Variants in ABTB3 observed in about 807,000 individuals in gnomAD.
ABTB3 encodes ankyrin repeat- and BTB/POZ domain-containing protein 3.
At chr12:107,554,638 C>T in the ABTB3 span, among the ~76,000 whole-genome samples, 1 of 152,132 alleles carries the variant, frequency 6.6e-6, no homozygotes, top group African/African-American at 2.4e-5. Context: ...TCTAGCAGAG[C>T]CTCTCAAACA....
the ABTB3 span, among the ~76,000 whole-genome samples, chr12:107,456,698 A>C: frequency 6.6e-6 from 1 of 152,186 alleles, no homozygotes; most frequent in African/African-American, 2.4e-5. Flanking sequence ...TCCATGGAAG[A>C]ATTATCTTTC....
At chr12:107,645,650 G>A in the ABTB3 span, among the ~76,000 whole-genome samples, 2,248 of 152,322 alleles carry the variant, frequency 0.015, 54 homozygotes, top group African/African-American at 0.05. Context: ...CATGAAGGGG[G>A]AGCTTACACT....
chr12:107,398,304 C>A, the ABTB3 span, among the ~76,000 whole-genome samples: 1 of 152,224 alleles, frequency 6.6e-6, no homozygotes, highest in Non-Finnish European at 1.5e-5. Flanking sequence ...CCTATCCTCA[C>A]TGAGATAGAG....
the ABTB3 span, among the ~76,000 whole-genome samples, chr12:107,398,065 T>G: frequency 6.6e-6 from 1 of 152,188 alleles, no homozygotes; most frequent in African/African-American, 2.4e-5. Flanking sequence ...AGGCCCTTCA[T>G]TCCTCTGCTC....
the ABTB3 span, among the ~76,000 whole-genome samples, chr12:107,448,122 C>A: frequency 6.6e-6 from 1 of 152,144 alleles, no homozygotes; most frequent in East Asian, 1.9e-4. Flanking sequence ...CAGATGGAAG[C>A]GGGAATTAGA....
chr12:107,498,086 G>C, the ABTB3 span, among the ~76,000 whole-genome samples: 5 of 152,206 alleles, frequency 3.3e-5, no homozygotes, highest in Non-Finnish European at 5.9e-5. Context: ...GGGCTGAGAG[G>C]AAGGAACGCC....
chr12:107,357,012 C>G, the ABTB3 span, among the ~76,000 whole-genome samples: 1 of 152,194 alleles, frequency 6.6e-6, no homozygotes, highest in Admixed American at 6.5e-5. Context: ...AGCTGTAATA[C>G]AAAGATAAGT....
At chr12:107,342,649 A>C in the ABTB3 span, among the ~76,000 whole-genome samples, 1 of 152,046 alleles carries the variant, frequency 6.6e-6, no homozygotes, top group African/African-American at 2.4e-5. Context: ...GCACTCTCTA[A>C]TTCTGCCTCA....
At chr12:107,393,765 C>CA in the ABTB3 span, among the ~76,000 whole-genome samples, 741 of 152,088 alleles carry the variant, frequency 4.9e-3, 9 homozygotes, top group African/African-American at 0.016. Context: ...CCCAACTCTA[C>CA]AAAAAACACA....
chr12:107,645,655 T>C, the ABTB3 span, among the ~76,000 whole-genome samples: 2 of 152,190 alleles, frequency 1.3e-5, no homozygotes, highest in Non-Finnish European at 2.9e-5. Flanking sequence ...AGGGGGAGCT[T>C]ACACTGTGAA....
chr12:107,370,944 C>T, the ABTB3 span, among the ~76,000 whole-genome samples: 1 of 151,822 alleles, frequency 6.6e-6, no homozygotes. Flanking sequence ...AGAAGGGTGA[C>T]CACCTCCTAC....
the ABTB3 span, among the ~76,000 whole-genome samples, chr12:107,554,336 G>C: frequency 6.7e-6 from 1 of 149,868 alleles, no homozygotes; most frequent in East Asian, 2.0e-4. Context: ...CAATTAGGAA[G>C]AATAGTTCTA....
At chr12:107,548,182 T>TCG in the ABTB3 span, among the ~76,000 whole-genome samples, 1 of 113,620 alleles carries the variant, frequency 8.8e-6, no homozygotes, top group Admixed American at 9.7e-5. Flanking sequence ...CTTTCTCTCC[T>TCG]CTCTCCTGTG....
At chr12:107,350,946 A>G in the ABTB3 span, among the ~76,000 whole-genome samples, 3 of 151,996 alleles carry the variant, frequency 2.0e-5, no homozygotes, top group East Asian at 1.9e-4. Flanking sequence ...CGAGAAACCA[A>G]CTCCCAGTGA....
At chr12:107,478,993 C>G in the ABTB3 span, among the ~76,000 whole-genome samples, 1,878 of 152,294 alleles carry the variant, frequency 0.012, 50 homozygotes, top group African/African-American at 0.043. Context: ...ATGTCCTAAC[C>G]TTGCTGTCCC....
chr12:107,523,931 G>T, the ABTB3 span, among the ~76,000 whole-genome samples: 17 of 152,110 alleles, frequency 1.1e-4, no homozygotes, highest in Non-Finnish European at 2.4e-4. Context: ...TGTCCCTAAG[G>T]TCTCAAAGCT....
At chr12:107,527,696 C>T in the ABTB3 span, among the ~76,000 whole-genome samples, 2 of 152,146 alleles carry the variant, frequency 1.3e-5, no homozygotes, top group South Asian at 2.1e-4. Flanking sequence ...CCAGCTGAAT[C>T]CAGAGGTCAG....
the ABTB3 span, among the ~76,000 whole-genome samples, chr12:107,507,431 C>T: frequency 2.8e-3 from 432 of 152,200 alleles, 4 homozygotes; most frequent in African/African-American, 9.5e-3. Flanking sequence ...CAGAAAGTGC[C>T]GTTCTCTGCC....
the ABTB3 span, chr12:107,649,404 T>C: frequency 1.4e-5 from 12 of 848,812 alleles, no homozygotes; most frequent in South Asian, 1.4e-4. Flanking sequence ...GGATGAAGAC[T>C]TGGGGCTCTT....
Sources: gnomAD v4.1 joint callset for allele counts (sites outside exome capture counted in the v4.1 genomes callset) on GRCh38, gnomAD v4.1.1 for gene constraint, MANE v1.5 for transcripts, NCBI Gene and HGNC (gene_info 2026-07-23, HGNC 2026-07-21) for gene names.